Variants in USP12 observed in about 807,000 individuals in gnomAD.
USP12 encodes the protein ubiquitin carboxyl-terminal hydrolase 12.
Under a neutral mutation model 45.5 loss-of-function variants are expected in USP12, and 19 were observed. The ratio of observed to expected loss-of-function variants is 0.42; its 90% CI spans 0.29 to 0.61. The LOEUF (loss-of-function observed/expected upper bound fraction) is 0.61. USP12 is among the 20% of genes least tolerant of loss of function. The probability of loss-of-function intolerance (pLI) is 0.22; values close to 1 mark genes in which losing one functional copy is unlikely to be tolerated. For synonymous variants in USP12, 149 were observed against 148.8 expected, an observed-to-expected ratio of 1.00 and a Z score of -0.01; for missense variants, 242 against 447.7, an observed-to-expected ratio of 0.54 and a Z score of 4.15.
chr13:27,075,096 A>G (rs532685727), intron 7 of USP12, 95 bp downstream of exon 7: 9 of 1,163,602 alleles, frequency 7.7e-6, no homozygotes, highest in African/African-American at 4.7e-5. Flanking sequence ...AGAATTTCTA[A>G]AAGTTCTATA....
chr13:27,162,275 G>A (rs1458720195), intron 1 of USP12, among the ~76,000 whole-genome samples: 1 of 152,138 alleles, frequency 6.6e-6, no homozygotes, highest in Non-Finnish European at 1.5e-5. Flanking sequence ...TAATTAGTGA[G>A]GACTCAAAGT....
Position 27,121,141 on chromosome 13 carries a change from G to A in USP12, c.49-4545C>T, listed in dbSNP as rs539518925. 4.6e-5 allele frequency among the ~76,000 whole-genome samples: 7 copies of A among 152,302 alleles called. No homozygotes were observed. In the East Asian group the frequency reaches 1.4e-3, roughly 29 times the overall value. On this transcript the variant is annotated intron_variant, in intron 1 of 8. Transcript: ENST00000282344. Reference sequence around the variant, plus strand: ...TTCTCTTCAATGCATAAGGGAACCAGTAATAATCCCATACCACAAGAAACA... The same window carrying A: ...TTCTCTTCAATGCATAAGGGAACCAATAATAATCCCATACCACAAGAAACA...
chr13:27,147,665 T>C (rs929043160), intron 1 of USP12, among the ~76,000 whole-genome samples: 1 of 151,912 alleles, frequency 6.6e-6, no homozygotes, highest in South Asian at 2.1e-4. Flanking sequence ...GCATCACTTA[T>C]AAGGGAAACT....
chr13:27,123,380 T>C (rs1876088540), intron 1 of USP12, among the ~76,000 whole-genome samples: 1 of 152,188 alleles, frequency 6.6e-6, no homozygotes, highest in Admixed American at 6.5e-5. Flanking sequence ...AAACATTAAA[T>C]ATACAATGTT....
Position 27,088,822 on chromosome 13 carries a change from C to T in USP12, c.734+1061G>A, listed in dbSNP as rs138192234. Among the ~76,000 whole-genome samples, 494 of 152,256 alleles carry T rather than the reference C, an allele frequency of 3.2e-3. 3 individuals carry two copies. The highest frequency in any genetic ancestry group is 0.011 in the African/African-American group (459 of 41,542). On this transcript the variant is annotated intron_variant, in intron 6 of 8. Transcript: ENST00000282344. ...CCCTGTAATAAATCTTAGCTGTGAG[C>T]ACGCTTGGATGTTGAGCACTGTGAG...
At chr13:27,117,775 A>C (rs369435482) in intron 1 of USP12, 19 of 518,356 alleles carry the variant, frequency 3.7e-5, no homozygotes, top group Non-Finnish European at 6.9e-5. Flanking sequence ...TCGCACAGAC[A>C]ATCATAGCGT....
intron 3 of USP12, among the ~76,000 whole-genome samples, chr13:27,102,058 A>C (rs1874890926): frequency 6.6e-6 from 1 of 151,960 alleles, no homozygotes; most frequent in Admixed American, 6.6e-5. Flanking sequence ...ATAGGGATTG[A>C]AACAACTAAG....
intron 1 of USP12, among the ~76,000 whole-genome samples, chr13:27,158,401 G>A (rs1291144837): frequency 3.3e-5 from 5 of 152,170 alleles, no homozygotes; most frequent in South Asian, 2.1e-4. Flanking sequence ...TTGTTAGGAC[G>A]ATAAATTTCT....
chr13:27,111,052 C>T (rs890859302), intron 2 of USP12, among the ~76,000 whole-genome samples: 3 of 152,202 alleles, frequency 2.0e-5, no homozygotes, highest in Non-Finnish European at 2.9e-5. Context: ...CAGGCTCACA[C>T]TTCTGTCCAA....
intron 7 of USP12, 47 bp from the exon 8 acceptor site, chr13:27,071,196 ACT>A (rs1873233258): frequency 1.3e-6 from 2 of 1,491,162 alleles, no homozygotes; most frequent in East Asian, 2.4e-5. Flanking sequence ...TATTAATATT[ACT>A]CTTTCATGCT....
chr13:27,132,566 C>T (rs1876554879), intron 1 of USP12, among the ~76,000 whole-genome samples: 1 of 152,174 alleles, frequency 6.6e-6, no homozygotes, highest in African/African-American at 2.4e-5. Context: ...CCCTGGTTGG[C>T]TGTACGGCTT....
intron 3 of USP12, among the ~76,000 whole-genome samples, chr13:27,101,654 CA>C (rs952753575): frequency 1.2e-4 from 18 of 147,514 alleles, no homozygotes; most frequent in South Asian, 2.2e-4. Flanking sequence ...AACAATAATG[CA>C]AAAAAAAATG....
intron 6 of USP12, among the ~76,000 whole-genome samples, chr13:27,084,680 C>G (rs929611444): frequency 6.6e-6 from 1 of 152,006 alleles, no homozygotes; most frequent in Non-Finnish European, 1.5e-5. Context: ...TTCTTAGCAC[C>G]CTTGATGAAG....
intron 6 of USP12, among the ~76,000 whole-genome samples, chr13:27,081,597 A>C (rs1482098683): frequency 6.6e-6 from 1 of 152,228 alleles, no homozygotes; most frequent in Non-Finnish European, 1.5e-5. Flanking sequence ...ATGAATCACA[A>C]ATATTCTAAT....
intron 1 of USP12, among the ~76,000 whole-genome samples, chr13:27,161,268 C>T (rs1170712286): frequency 2.6e-5 from 4 of 152,164 alleles, no homozygotes; most frequent in Non-Finnish European, 5.9e-5. Flanking sequence ...AAAGTTATAA[C>T]GGCTAGATTT....
At chr13:27,136,395 G>C (rs1026706855) in intron 1 of USP12, among the ~76,000 whole-genome samples, 18 of 152,182 alleles carry the variant, frequency 1.2e-4, no homozygotes, top group Non-Finnish European at 7.3e-5. Flanking sequence ...CTACTCAGGA[G>C]GCTGAAGCAG....
chr13:27,126,551 G>T (rs962013799), intron 1 of USP12, among the ~76,000 whole-genome samples: 1 of 152,094 alleles, frequency 6.6e-6, no homozygotes, highest in Non-Finnish European at 1.5e-5. Context: ...CGTTCCAACC[G>T]CAGGCTGGGC....
intron 6 of USP12, among the ~76,000 whole-genome samples, chr13:27,087,055 C>T (rs1192554147): frequency 2.6e-5 from 4 of 151,934 alleles, no homozygotes; most frequent in African/African-American, 9.7e-5. Flanking sequence ...ACACAGACAT[C>T]TGTACAGGCA....
chr13:27,155,575 C>G (rs557078816), intron 1 of USP12, among the ~76,000 whole-genome samples: 6 of 152,282 alleles, frequency 3.9e-5, no homozygotes, highest in Admixed American at 1.3e-4. Flanking sequence ...GTTAGTTCAT[C>G]TAATTTTCAG....
Sources: allele counts gnomAD v4.1 joint callset (sites outside exome capture counted in the v4.1 genomes callset), GRCh38; gene constraint gnomAD v4.1.1; transcripts MANE v1.5; gene names NCBI Gene and HGNC (gene_info 2026-07-23, HGNC 2026-07-21).